Variants in RBFOX1 observed in about 807,000 individuals in gnomAD.
RBFOX1 encodes RNA binding fox-1 homolog 1, also known as RNA binding protein fox-1 homolog 1.
Under a neutral mutation model 57.7 loss-of-function variants are expected in RBFOX1, and 8 were observed. That is an observed-to-expected ratio of 0.14 (90% CI 0.08 to 0.25). The LOEUF is 0.25. RBFOX1 is among the 10% of genes least tolerant of loss of function. The pLI is 1.00. For synonymous variants in RBFOX1, 326 were observed against 222.4 expected (o/e 1.47, Z -4.15); for missense variants, 611 against 548.5 (o/e 1.11, Z -1.14).
At chr16:6,687,615 A>C (rs752355127) in intron 3 of RBFOX1, among the ~76,000 whole-genome samples, 1 of 152,178 alleles carries the variant, frequency 6.6e-6, no homozygotes, top group African/African-American at 2.4e-5. Flanking sequence ...ATAGTTCTAT[A>C]AGAAGGTTCT....
intron 4 of RBFOX1, among the ~76,000 whole-genome samples, chr16:7,350,843 G>A (rs983552074): frequency 1.3e-5 from 2 of 152,180 alleles, no homozygotes. Context: ...GTCTGTGCCT[G>A]AAGGTCTGGT....
chr16:6,782,980 A>T (rs894613730), intron 3 of RBFOX1, among the ~76,000 whole-genome samples: 3 of 152,152 alleles, frequency 2.0e-5, no homozygotes. Context: ...TTATCATTAT[A>T]TAATGACCTT....
chr16:7,396,775 A>G (rs1262382539), intron 4 of RBFOX1, among the ~76,000 whole-genome samples: 2 of 152,104 alleles, frequency 1.3e-5, no homozygotes, highest in Admixed American at 6.6e-5. Context: ...CTGCATCTCT[A>G]CTAAAAATAC....
chr16:7,564,302 C>T (rs891476089), intron 5 of RBFOX1, among the ~76,000 whole-genome samples: 9 of 151,854 alleles, frequency 5.9e-5, no homozygotes, highest in South Asian at 2.1e-4. Flanking sequence ...CACTTTGGGA[C>T]GCAGAGGTGG....
intron 4 of RBFOX1, among the ~76,000 whole-genome samples, chr16:7,298,976 T>A (rs1161372967): frequency 2.6e-5 from 4 of 152,228 alleles, no homozygotes; most frequent in African/African-American, 9.6e-5. Flanking sequence ...GTATTTGCTT[T>A]TACAAGCAAT....
At chr16:7,466,223 A>G (rs912534538) in intron 4 of RBFOX1, among the ~76,000 whole-genome samples, 4 of 152,248 alleles carry the variant, frequency 2.6e-5, no homozygotes, top group African/African-American at 9.6e-5. Context: ...TTATAGAACA[A>G]CAATCCTTAC....
chr16:6,320,612 C>T (rs1208201657), intron 2 of RBFOX1, among the ~76,000 whole-genome samples: 31 of 151,994 alleles, frequency 2.0e-4, no homozygotes, highest in Admixed American at 2.0e-3. Flanking sequence ...TACTTATCAC[C>T]TTACATAGTT....
chr16:6,147,295 A>T (rs1190899609), intron 1 of RBFOX1, among the ~76,000 whole-genome samples: 2 of 151,998 alleles, frequency 1.3e-5, no homozygotes, highest in Non-Finnish European at 2.9e-5. Flanking sequence ...CTTCCTTACC[A>T]TTCTGTGCTC....
At chr16:6,662,158 G>T (rs1250178558) in intron 3 of RBFOX1, among the ~76,000 whole-genome samples, 6 of 151,836 alleles carry the variant, frequency 4.0e-5, no homozygotes, top group Admixed American at 1.3e-4. Flanking sequence ...GGAGGATCTT[G>T]GTCAAAGGAT....
intron 1 of RBFOX1, among the ~76,000 whole-genome samples, chr16:5,369,699 G>A (rs2065811560): frequency 6.6e-6 from 1 of 152,160 alleles, no homozygotes; most frequent in Admixed American, 6.5e-5. Context: ...TGCTTTCAGA[G>A]GTGGGTCTCA....
intron 3 of RBFOX1, among the ~76,000 whole-genome samples, chr16:6,720,817 G>A (rs569161195): frequency 4.3e-4 from 65 of 152,282 alleles, no homozygotes; most frequent in Admixed American, 1.4e-3. Context: ...GATTAAGGAT[G>A]TTGCTGAAGT....
intron 5 of RBFOX1, among the ~76,000 whole-genome samples, chr16:7,544,897 T>G (rs1376531020): frequency 6.6e-6 from 1 of 152,094 alleles, no homozygotes; most frequent in Non-Finnish European, 1.5e-5. Context: ...AGCACCATAC[T>G]GCATTTTGTT....
chr16:5,742,622 A>G (rs1223592943), intron 3 of RBFOX1, among the ~76,000 whole-genome samples: 2 of 152,210 alleles, frequency 1.3e-5, no homozygotes, highest in African/African-American at 2.4e-5. Context: ...AGCTACTCAT[A>G]TAGAAAGCTT....
chr16:7,295,244 C>G (rs1360584412), intron 4 of RBFOX1, among the ~76,000 whole-genome samples: 1 of 152,096 alleles, frequency 6.6e-6, no homozygotes, highest in Non-Finnish European at 1.5e-5. Context: ...GATGTCTATA[C>G]ATTTTTGTAT....
chr16:7,527,400 C>G (rs572878330), intron 5 of RBFOX1, among the ~76,000 whole-genome samples: 119 of 152,280 alleles, frequency 7.8e-4, no homozygotes, highest in African/African-American at 2.7e-3. Context: ...TTTATCCCAA[C>G]TTAGGATAAC....
chr16:7,361,163 C>T (rs532132982), intron 4 of RBFOX1, among the ~76,000 whole-genome samples: 15 of 152,336 alleles, frequency 9.8e-5, no homozygotes, highest in African/African-American at 3.4e-4. Flanking sequence ...TTCCAAGCTT[C>T]TGCTCCTAAC....
At chr16:7,000,809 A>C (rs1271296980) in intron 3 of RBFOX1, among the ~76,000 whole-genome samples, 2 of 151,800 alleles carry the variant, frequency 1.3e-5, no homozygotes, top group Non-Finnish European at 2.9e-5. Flanking sequence ...TCACTGTGTT[A>C]GCCAGGATGC....
intron 3 of RBFOX1, among the ~76,000 whole-genome samples, chr16:6,698,099 C>A (rs1467118890): frequency 6.6e-6 from 1 of 152,204 alleles, no homozygotes; most frequent in Non-Finnish European, 1.5e-5. Context: ...GTTTGGAAAT[C>A]ATAAAATATG....
rs928145394 is a variant in RBFOX1 at position 6,716,925 on chromosome 16, G to A, written c.-16+62275G>A. ...CAATGTGATGGTATTAGGAGGTGGGGTCTTTGGAAGGCCATTATATCACTA... is the reference window on the plus strand; with the variant it reads ...CAATGTGATGGTATTAGGAGGTGGGATCTTTGGAAGGCCATTATATCACTA... On this transcript the variant is annotated intron_variant, in intron 3 of 15. Transcript: ENST00000550418. Among the ~76,000 whole-genome samples the A allele has an allele frequency of 3.9e-5, 6 of 152,300 alleles. No individual in the cohort carries two copies. The East Asian group carries it at 7.7e-4, about 20-fold the overall frequency.
Sources: allele counts gnomAD v4.1 joint callset (sites outside exome capture counted in the v4.1 genomes callset), GRCh38; gene constraint gnomAD v4.1.1; transcripts MANE v1.5; gene names NCBI Gene and HGNC (gene_info 2026-07-23, HGNC 2026-07-21).